The following IMMP2L variants were observed in gnomAD, a reference collection of about 807,000 sequenced individuals.
The protein encoded by IMMP2L is mitochondrial inner membrane protease subunit 2.
IMMP2L carries 18 observed loss-of-function variants against 19.3 expected under a neutral mutation model. The observed-to-expected ratio is 0.93, with a 90% CI of 0.64 to 1.38. The LOEUF (loss-of-function observed/expected upper bound fraction) is 1.38, where lower values mean the gene tolerates loss of function less well. Among genes scored for constraint, IMMP2L ranks in the 40% most tolerant of loss-of-function variants. The pLI is 0.00. For missense variants in IMMP2L, 233 were observed against 218.2 expected, an observed-to-expected ratio of 1.07 and a Z score of -0.43; for synonymous variants, 76 against 73.0, an observed-to-expected ratio of 1.04 and a Z score of -0.21.
At chr7:110,899,202 C>T (rs918582193) in intron 4 of IMMP2L, among the ~76,000 whole-genome samples, 2 of 152,028 alleles carry the variant, frequency 1.3e-5, no homozygotes, top group African/African-American at 4.8e-5. Context: ...TAATTATCTA[C>T]TAATAACATT....
intron 5 of IMMP2L, among the ~76,000 whole-genome samples, chr7:110,749,462 C>A: frequency 6.6e-6 from 1 of 152,210 alleles, no homozygotes; most frequent in East Asian, 1.9e-4. Flanking sequence ...TTTATTGTGG[C>A]ACTGTTCACA....
intron 1 of IMMP2L, among the ~76,000 whole-genome samples, chr7:111,539,056 G>A (rs930786091): frequency 2.7e-5 from 4 of 149,432 alleles, no homozygotes; most frequent in African/African-American, 5.0e-5. Flanking sequence ...AGAGACGGAG[G>A]TTGCAGTGAG....
At chr7:110,864,321 A>T (rs965522122) in intron 5 of IMMP2L, among the ~76,000 whole-genome samples, 5 of 151,742 alleles carry the variant, frequency 3.3e-5, no homozygotes. Context: ...ATGAGATGAC[A>T]TATCAATTGA....
chr7:110,825,372 T>C (rs1429296267), intron 5 of IMMP2L, among the ~76,000 whole-genome samples: 2 of 152,164 alleles, frequency 1.3e-5, no homozygotes, highest in Non-Finnish European at 2.9e-5. Flanking sequence ...AGAGCCCGCA[T>C]TGCCAAGTCA....
chr7:110,781,369 C>A (rs1452563691), intron 5 of IMMP2L, among the ~76,000 whole-genome samples: 1 of 151,776 alleles, frequency 6.6e-6, no homozygotes, highest in Non-Finnish European at 1.5e-5. Flanking sequence ...CTCCACAATT[C>A]AGATTTTTAA....
At chr7:111,519,873 GA>G (rs201166847) in intron 2 of IMMP2L, among the ~76,000 whole-genome samples, 12 of 151,792 alleles carry the variant, frequency 7.9e-5, no homozygotes, top group East Asian at 1.9e-4. Context: ...AAAATTGGGG[GA>G]AAAAAAATCA....
At position 110,830,687 on chromosome 7, in the gene IMMP2L, G is replaced by T. The variant is rs12673194; in HGVS notation, c.408+55906C>A. On this transcript the variant is annotated intron_variant, in intron 5 of 5. Coordinates refer to ENST00000405709, the MANE Select transcript of IMMP2L (RefSeq NM_032549.4). ...CTTGAGAGTCATAGTATGGAATGGA[G>T]ACCAAATTGTCCCTACTGTTTATAA... Among the ~76,000 whole-genome samples, 17 of 152,260 alleles carry T rather than the reference G, an allele frequency of 1.1e-4. No individual in the cohort carries two copies. The East Asian group carries it at 2.9e-3, about 26-fold the overall frequency.
intron 3 of IMMP2L, among the ~76,000 whole-genome samples, chr7:111,062,061 TTAAAG>T (rs1344869551): frequency 1.3e-5 from 2 of 152,214 alleles, no homozygotes; most frequent in African/African-American, 4.8e-5. Flanking sequence ...TTTCTTTTCC[TTAAAG>T]TATTTTCTGT....
intron 3 of IMMP2L, among the ~76,000 whole-genome samples, chr7:110,970,570 T>G (rs1286869162): frequency 6.6e-6 from 1 of 152,130 alleles, no homozygotes; most frequent in African/African-American, 2.4e-5. Flanking sequence ...ATATTGAATA[T>G]GCTTAAAGTT....
At chr7:111,549,778 T>C (rs1416470114) in intron 1 of IMMP2L, among the ~76,000 whole-genome samples, 2 of 151,876 alleles carry the variant, frequency 1.3e-5, no homozygotes, top group African/African-American at 4.8e-5. Context: ...CCATCTCTAC[T>C]AAAAATACAA....
chr7:111,165,485 G>A (rs998962675), intron 3 of IMMP2L, among the ~76,000 whole-genome samples: 2 of 151,920 alleles, frequency 1.3e-5, no homozygotes, highest in Non-Finnish European at 2.9e-5. Context: ...TTAACTTTTT[G>A]AGGAAATGCC....
chr7:110,827,429 C>T (rs776177713), intron 5 of IMMP2L, among the ~76,000 whole-genome samples: 1 of 152,142 alleles, frequency 6.6e-6, no homozygotes, highest in Non-Finnish European at 1.5e-5. Flanking sequence ...TTATAATATA[C>T]CTTCACTCAT....
intron 4 of IMMP2L, among the ~76,000 whole-genome samples, chr7:110,940,045 A>G (rs1338553148): frequency 6.6e-6 from 1 of 152,068 alleles, no homozygotes; most frequent in Non-Finnish European, 1.5e-5. Flanking sequence ...AAGTTAAAAT[A>G]ATGTGGCTCA....
At chr7:111,104,458 G>A (rs1798318780) in intron 3 of IMMP2L, among the ~76,000 whole-genome samples, 1 of 151,742 alleles carries the variant, frequency 6.6e-6, no homozygotes, top group African/African-American at 2.4e-5. Context: ...ATTTTGATAT[G>A]ATGTCACTTT....
intron 5 of IMMP2L, among the ~76,000 whole-genome samples, chr7:110,686,237 T>C (rs1225573444): frequency 6.6e-6 from 1 of 152,114 alleles, no homozygotes; most frequent in Non-Finnish European, 1.5e-5. Context: ...ACCCTATTTA[T>C]CTTCCTAGCA....
At chr7:110,817,379 A>C (rs1305372174) in intron 5 of IMMP2L, among the ~76,000 whole-genome samples, 2 of 152,108 alleles carry the variant, frequency 1.3e-5, no homozygotes, top group African/African-American at 4.8e-5. Flanking sequence ...CAAAGAGAAT[A>C]AAATACCTAG....
At chr7:110,706,934 AATG>A (rs1227445037) in intron 5 of IMMP2L, among the ~76,000 whole-genome samples, 1 of 151,462 alleles carries the variant, frequency 6.6e-6, no homozygotes, top group Non-Finnish European at 1.5e-5. Context: ...TGATACCCAG[AATG>A]ATGTTTCCTT....
chr7:110,762,635 G>A (rs957819585), intron 5 of IMMP2L, among the ~76,000 whole-genome samples: 36 of 152,166 alleles, frequency 2.4e-4, no homozygotes, highest in African/African-American at 8.7e-4. Context: ...GCTTTGTCTG[G>A]GAGGGCAGAG....
intron 5 of IMMP2L, among the ~76,000 whole-genome samples, chr7:110,699,466 A>G (rs1225452999): frequency 6.6e-6 from 1 of 152,100 alleles, no homozygotes; most frequent in Non-Finnish European, 1.5e-5. Context: ...ATTCTAACCA[A>G]TAGAAGACAG....
Sources: allele counts gnomAD v4.1 joint callset (sites outside exome capture counted in the v4.1 genomes callset), GRCh38; gene constraint gnomAD v4.1.1; transcripts MANE v1.5; gene names NCBI Gene and HGNC (gene_info 2026-07-23, HGNC 2026-07-21).